The following ADAMTSL1 variants were observed in gnomAD, a reference collection of about 807,000 sequenced individuals.
ADAMTSL1 encodes the protein ADAMTS like 1, also known as ADAMTS-like protein 1.
In ADAMTSL1, 126 loss-of-function variants were observed where a neutral mutation model predicts 201.8. The observed-to-expected ratio is 0.62, with a 90% CI of 0.54 to 0.72. The LOEUF (loss-of-function observed/expected upper bound fraction) is 0.72. ADAMTSL1 is among the 30% of genes least tolerant of loss of function. ADAMTSL1 has a pLI of 0.00. For synonymous variants in ADAMTSL1, 1,121 were observed against 903.4 expected (o/e 1.24, Z -4.32); for missense variants, 2,679 against 2,277.8 (o/e 1.18, Z -3.59).
chr9:18,121,687 A>G (rs1825502802), intron 1 of ADAMTSL1, among the ~76,000 whole-genome samples: 1 of 152,206 alleles, frequency 6.6e-6, no homozygotes, highest in African/African-American at 2.4e-5. Context: ...TGTAATATAT[A>G]AACACATATC....
intron 13 of ADAMTSL1, among the ~76,000 whole-genome samples, chr9:18,703,858 C>T (rs760501992): frequency 6.6e-6 from 1 of 151,426 alleles, no homozygotes; most frequent in African/African-American, 2.4e-5. Flanking sequence ...TCTGGAATGA[C>T]ATCAAATGCA....
upstream of ADAMTSL1, among the ~76,000 whole-genome samples, chr9:18,473,552 C>T (rs1390669866): frequency 6.6e-6 from 1 of 152,076 alleles, no homozygotes; most frequent in Admixed American, 6.5e-5. Flanking sequence ...GAGGAACCTT[C>T]AGAAAATGTA....
chr9:18,181,541 C>T (rs958070865), intron 2 of ADAMTSL1, among the ~76,000 whole-genome samples: 5 of 152,062 alleles, frequency 3.3e-5, no homozygotes, highest in African/African-American at 1.2e-4. Flanking sequence ...AAAAAATGCT[C>T]ACCATCACTG....
At chr9:17,987,689 C>G (rs1406586987) in intron 1 of ADAMTSL1, among the ~76,000 whole-genome samples, 1 of 152,034 alleles carries the variant, frequency 6.6e-6, no homozygotes, top group Non-Finnish European at 1.5e-5. Flanking sequence ...TTTTAGAACT[C>G]TGCAAGCAGT....
intron 1 of ADAMTSL1, among the ~76,000 whole-genome samples, chr9:18,498,746 T>G (rs780388470): frequency 2.6e-5 from 4 of 152,352 alleles, no homozygotes; most frequent in Admixed American, 6.5e-5. Flanking sequence ...GTCTGTGCTC[T>G]TTCTCCTGCA....
chr9:17,961,172 T>C (rs181080354), intron 1 of ADAMTSL1, among the ~76,000 whole-genome samples: 12 of 152,228 alleles, frequency 7.9e-5, no homozygotes, highest in Admixed American at 3.3e-4. Context: ...ACTATGTGGA[T>C]TTGGACAAGT....
At chr9:18,619,962 T>A (rs1825925828) in intron 4 of ADAMTSL1, among the ~76,000 whole-genome samples, 1 of 152,002 alleles carries the variant, frequency 6.6e-6, no homozygotes, top group African/African-American at 2.4e-5. Flanking sequence ...AAAACTGTCA[T>A]GCTTTCTCAA....
intron 23 of ADAMTSL1, among the ~76,000 whole-genome samples, chr9:18,855,382 C>G (rs1826776783): frequency 6.6e-6 from 1 of 152,162 alleles, no homozygotes; most frequent in Non-Finnish European, 1.5e-5. Context: ...GATTCTTGCT[C>G]TTTTTGAAAA....
intron 1 of ADAMTSL1, among the ~76,000 whole-genome samples, chr9:18,103,779 G>T (rs931622707): frequency 6.6e-6 from 1 of 152,142 alleles, no homozygotes; most frequent in African/African-American, 2.4e-5. Flanking sequence ...GAACTTAAAA[G>T]CTGGAAGGGG....
Position 18,721,540 on chromosome 9 carries a change from C to T in ADAMTSL1, c.1881C>T (p.Val627=). 1.2e-6 allele frequency: 2 copies of T among 1,613,890 alleles called. No individual in the cohort carries two copies. Among genetic ancestry groups the T allele is most frequent in the Non-Finnish European group, 1.7e-6 (2 of 1,179,836 alleles). Reference sequence around the variant, plus strand: ...GACCGTGTGATTTGTACACAGGTGTCCAGGAGGCTGTGGTGAGCTGCTTGA... The same window carrying T: ...GACCGTGTGATTTGTACACAGGTGTTCAGGAGGCTGTGGTGAGCTGCTTGA... The part of the protein sequence containing the change: ...TKCSESCGGG[V]QEAVVSCLNK... Residue 627 remains valine, a synonymous_variant, in exon 15 of 29, where the codon GTC becomes GTT. Coordinates refer to ENST00000380548, the MANE Select transcript of ADAMTSL1 (RefSeq NM_001040272.6).
intron 4 of ADAMTSL1, among the ~76,000 whole-genome samples, chr9:18,582,706 A>G (rs1408657917): frequency 1.3e-5 from 2 of 151,910 alleles, no homozygotes; most frequent in Non-Finnish European, 2.9e-5. Context: ...AATATTAGCC[A>G]GGTGTGGTAG....
Position 18,287,543 on chromosome 9 carries a change from TATAC to T in ADAMTSL1, c.207+123569_207+123572del, listed in dbSNP as rs201848754. Among the ~76,000 whole-genome samples, 232 of 151,224 alleles carry T rather than the reference TATAC, an allele frequency of 1.5e-3. 3 individuals are homozygous for T. In the East Asian group the frequency reaches 0.022, roughly 14 times the overall value. ...TATATTTACATATATGTAAAATACA[TATAC>T]ATACATGTAGAAATATTACATATAT... On this transcript the variant is annotated intron_variant, in intron 2 of 29. Coordinates refer to the ADAMTSL1 transcript ENST00000680146.
chr9:18,209,989 A>T (rs1027726955), intron 2 of ADAMTSL1, among the ~76,000 whole-genome samples: 5 of 152,132 alleles, frequency 3.3e-5, no homozygotes, highest in African/African-American at 1.2e-4. Context: ...TGTTATATGT[A>T]TGTTTATGTC....
chr9:18,313,491 A>T (rs553216120), intron 2 of ADAMTSL1, among the ~76,000 whole-genome samples: 11 of 152,298 alleles, frequency 7.2e-5, no homozygotes, highest in Non-Finnish European at 1.5e-4. Flanking sequence ...TCACTGGGTC[A>T]AACCTCCAGA....
chr9:18,864,669 TCCAACTCAGGCTGTTTCC>T (rs1192039620), intron 23 of ADAMTSL1, among the ~76,000 whole-genome samples: 1 of 152,172 alleles, frequency 6.6e-6, no homozygotes, highest in Non-Finnish European at 1.5e-5. Flanking sequence ...TCCTCATCTG[TCCAACTCAGGCTGTTTCC>T]CTGAGTCAGG....
chr9:18,652,060 T>C (rs1279190506), intron 7 of ADAMTSL1, among the ~76,000 whole-genome samples: 1 of 152,012 alleles, frequency 6.6e-6, no homozygotes, highest in East Asian at 1.9e-4. Context: ...ATACATATCA[T>C]TGAATACTAA....
intron 4 of ADAMTSL1, among the ~76,000 whole-genome samples, chr9:18,620,743 C>G (rs1313219922): frequency 6.6e-6 from 1 of 152,094 alleles, no homozygotes; most frequent in African/African-American, 2.4e-5. Flanking sequence ...GGATAGAGCC[C>G]GTCTGCCTTT....
At chr9:18,652,233 G>A (rs10963708) in intron 7 of ADAMTSL1, among the ~76,000 whole-genome samples, 69,907 of 151,606 alleles carry the variant, frequency 0.46, 16,754 homozygotes, top group East Asian at 0.76. Context: ...TTGGCTGGGC[G>A]TGGTGGCAGG....
chr9:18,854,165 C>A (rs1223712667), intron 23 of ADAMTSL1, among the ~76,000 whole-genome samples: 1 of 152,116 alleles, frequency 6.6e-6, no homozygotes, highest in Non-Finnish European at 1.5e-5. Flanking sequence ...AATCACTATG[C>A]AGCTTCTGCC....
Sources: allele counts gnomAD v4.1 joint callset (sites outside exome capture counted in the v4.1 genomes callset), GRCh38; gene constraint gnomAD v4.1.1; transcripts MANE v1.5; gene names NCBI Gene and HGNC (gene_info 2026-07-23, HGNC 2026-07-21).